Variants in SLX9 observed in about 807,000 individuals in gnomAD.
SLX9 encodes the protein SLX9 ribosome biogenesis factor, also known as ribosome biogenesis protein SLX9 homolog.
Under a neutral mutation model 20.8 loss-of-function variants are expected in SLX9, and 19 were observed. That is an observed-to-expected ratio of 0.91 (90% CI 0.64 to 1.34). The LOEUF is 1.34. Ranked by LOEUF, SLX9 falls within the 40% of genes most tolerant of loss-of-function variation. SLX9 has a pLI of 0.00. For missense variants in SLX9, 299 were observed against 322.2 expected (o/e 0.93, Z 0.55); for synonymous variants, 113 against 137.1 (o/e 0.82, Z 1.23).
At chr21:44,959,348 A>T in intron 2 of SLX9, 6 of 806,732 alleles carry the variant, frequency 7.4e-6, no homozygotes, top group Non-Finnish European at 9.0e-6. Context: ...GGCCGAGGAA[A>T]TGGGGGTGCC....
At chr21:44,952,325 G>A (rs2084773821) in intron 2 of SLX9, among the ~76,000 whole-genome samples, 1 of 152,274 alleles carries the variant, frequency 6.6e-6, no homozygotes, top group Non-Finnish European at 1.5e-5. Context: ...GACAGCAATC[G>A]GCAGCTTCCC....
intron 4 of SLX9, among the ~76,000 whole-genome samples, chr21:44,967,711 G>T (rs78535338): frequency 1.3e-5 from 2 of 152,156 alleles, no homozygotes; most frequent in African/African-American, 4.8e-5. Flanking sequence ...CCGTGAGGAC[G>T]GCTCAGGCCT....
At chr21:44,947,618 T>C (rs1462276012) in intron 2 of SLX9, among the ~76,000 whole-genome samples, 1 of 145,042 alleles carries the variant, frequency 6.9e-6, no homozygotes, top group African/African-American at 2.5e-5. Context: ...CGTTCCTATG[T>C]TTTTTTTCAA....
chr21:44,964,299 G>T (rs1219613524), intron 3 of SLX9, among the ~76,000 whole-genome samples: 1 of 152,096 alleles, frequency 6.6e-6, no homozygotes, highest in Non-Finnish European at 1.5e-5. Flanking sequence ...AGGATCTTTA[G>T]AAATGCATGT....
At chr21:44,955,395 A>T (rs530079282) in intron 2 of SLX9, among the ~76,000 whole-genome samples, 1 of 152,286 alleles carries the variant, frequency 6.6e-6, no homozygotes, top group South Asian at 2.1e-4. Context: ...TCTCCAGCTT[A>T]TTCCTGCAGC....
rs745944306 is a variant in SLX9 at position 44,976,672 on chromosome 21, T to G, written c.570-8T>G. On this transcript the variant is annotated splice_region_variant and splice_polypyrimidine_tract_variant and intron_variant, in intron 5 of 5. Coordinates refer to ENST00000291634, the MANE Select transcript of SLX9 (RefSeq NM_058190.4). ...CTGCCTGCTGATCTGTGGTCTCCAT[T>G]CTTTCAGCGAGGAAGAAAGGACCCG... 1.1e-4 allele frequency: 172 copies of G among 1,580,132 alleles called. No homozygotes were observed. Among genetic ancestry groups the G allele is most frequent in the Non-Finnish European group, 1.5e-4 (169 of 1,163,100 alleles).
At chr21:44,957,418 C>T (rs553742316) in intron 2 of SLX9, among the ~76,000 whole-genome samples, 1 of 152,340 alleles carries the variant, frequency 6.6e-6, no homozygotes, top group African/African-American at 2.4e-5. Context: ...TCCTGGGCTC[C>T]TGAAGACTCA....
At chr21:44,962,316 C>G (rs188037579) in intron 3 of SLX9, among the ~76,000 whole-genome samples, 3 of 152,198 alleles carry the variant, frequency 2.0e-5, no homozygotes, top group Non-Finnish European at 4.4e-5. Context: ...CGCACCCCCC[C>G]AGTCAATTAC....
intron 4 of SLX9, among the ~76,000 whole-genome samples, chr21:44,967,485 G>C (rs1034033244): frequency 6.6e-6 from 1 of 152,152 alleles, no homozygotes; most frequent in Non-Finnish European, 1.5e-5. Flanking sequence ...AGCTCCTGCC[G>C]GGTCCCACTG....
intron 4 of SLX9, among the ~76,000 whole-genome samples, chr21:44,969,767 C>G (rs1018716974): frequency 7.2e-5 from 11 of 152,174 alleles, no homozygotes; most frequent in African/African-American, 2.7e-4. Context: ...TTAACTAAAG[C>G]CCATACCTTA....
chr21:44,953,568 C>T (rs966854284), intron 2 of SLX9, among the ~76,000 whole-genome samples: 2 of 152,210 alleles, frequency 1.3e-5, no homozygotes, highest in African/African-American at 2.4e-5. Flanking sequence ...GCCCTGCATC[C>T]GGGCCTCGGG....
At position 44,968,753 on chromosome 21, in the gene SLX9, C is replaced by CTTTTT. The variant is rs35304604; in HGVS notation, c.500+1585_500+1589dup. Among the ~76,000 whole-genome samples the CTTTTT allele has an allele frequency of 9.8e-5, 13 of 132,946 alleles. 5 individuals carry two copies. The highest frequency in any genetic ancestry group is 8.0e-5 in the Non-Finnish European group (5 of 62,748). 87.2% of individuals were successfully genotyped at this position (132,946 alleles called of 152,430 possible). A position where few individuals can be genotyped will look rare whatever the true frequency, so the allele number is the denominator to read the frequency against. On this transcript the variant is annotated intron_variant, in intron 4 of 5. Coordinates refer to ENST00000291634, the MANE Select transcript of SLX9 (RefSeq NM_058190.4). The stretch of plus-strand genomic sequence containing the variant: ...CTCATTCATTTGTGTCATCTCTGTG[C>CTTTTT]TTTTTTTTTTTTTTTTTGGAGACGG...
At chr21:44,947,684 G>A (rs1200785372) in intron 2 of SLX9, among the ~76,000 whole-genome samples, 1 of 151,704 alleles carries the variant, frequency 6.6e-6, no homozygotes, top group African/African-American at 2.4e-5. Context: ...TTCCCTTCCT[G>A]TGCCCTGGAG....
In SLX9 at chr21:44,976,961, A is replaced by C; in HGVS notation, c.*158A>C. The C allele has an allele frequency of 9.6e-7, 1 of 1,046,848 alleles. No homozygotes were observed. Among genetic ancestry groups the C allele is most frequent in the South Asian group, 1.5e-5 (1 of 66,006 alleles). The allele number at this position is 1,046,848 out of a possible 1,614,324, so 64.8% of individuals were successfully genotyped here. ...CTCTGTGAACTTCCCCTGCACTGCC[A>C]GGGCCGTTCCCATGAGCTGCTTCCC... On this transcript the variant is annotated 3_prime_UTR_variant, in exon 6 of 6. Transcript: ENST00000291634.
chr21:44,960,190 G>C, intron 3 of SLX9, 22 bp downstream of exon 3: 1 of 1,612,964 alleles, frequency 6.2e-7, no homozygotes, highest in Non-Finnish European at 8.5e-7. Flanking sequence ...CCTGCGTCTT[G>C]AGGCAGCTGC....
intron 1 of SLX9, among the ~76,000 whole-genome samples, chr21:44,940,493 C>G (rs951489923): frequency 1.3e-5 from 2 of 152,176 alleles, no homozygotes; most frequent in South Asian, 4.1e-4. Flanking sequence ...CTGAGCTCCC[C>G]GGAAAGGAAA....
chr21:44,946,217 A>G (rs1479437976), intron 2 of SLX9, among the ~76,000 whole-genome samples: 1 of 151,694 alleles, frequency 6.6e-6, no homozygotes, highest in Non-Finnish European at 1.5e-5. Context: ...TGAAGATTCT[A>G]TTGTTTGTGA....
chr21:44,972,803 C>T (rs901902573), intron 4 of SLX9, among the ~76,000 whole-genome samples: 1 of 152,144 alleles, frequency 6.6e-6, no homozygotes, highest in Non-Finnish European at 1.5e-5. Flanking sequence ...GAGGTGTCTG[C>T]GCAGCCTGCC....
chr21:44,958,648 C>T (rs1007987856), intron 2 of SLX9, among the ~76,000 whole-genome samples: 7 of 152,240 alleles, frequency 4.6e-5, no homozygotes, highest in Admixed American at 1.3e-4. Flanking sequence ...GAACCTGTGC[C>T]GGAGCACTTC....
Sources: gnomAD v4.1 joint callset for allele counts (sites outside exome capture counted in the v4.1 genomes callset) on GRCh38, gnomAD v4.1.1 for gene constraint, MANE v1.5 for transcripts, NCBI Gene and HGNC (gene_info 2026-07-23, HGNC 2026-07-21) for gene names.